Variants in TCP1 observed in about 807,000 individuals in gnomAD.
TCP1 encodes the protein t-complex 1.
TCP1 carries 6 observed loss-of-function variants against 54.7 expected under a neutral mutation model. The ratio of observed to expected loss-of-function variants is 0.11; its 90% CI spans 0.06 to 0.22. The LOEUF (loss-of-function observed/expected upper bound fraction) is 0.22, where lower values mean the gene tolerates loss of function less well. Among genes scored for constraint, TCP1 ranks in the 10% least tolerant of loss-of-function variants. The pLI is 1.00. For synonymous variants in TCP1, 225 were observed against 229.7 expected, an observed-to-expected ratio of 0.98 and a Z score of 0.19; for missense variants, 511 against 678.2, an observed-to-expected ratio of 0.75 and a Z score of 2.74.
chr6:159,789,330 G>A (rs1437595313), intron 1 of TCP1, 75 bp downstream of exon 1: 7 of 1,566,544 alleles, frequency 4.5e-6, no homozygotes, highest in Middle Eastern at 1.7e-4. Context: ...AGAAACGAGG[G>A]CAGCCGGGGT....
At position 159,778,815 on chromosome 6, in the gene TCP1, G is replaced by A. The variant is rs774043935; in HGVS notation, c.*230C>T. On this transcript the variant is annotated 3_prime_UTR_variant, in exon 12 of 12. Coordinates refer to ENST00000321394, the MANE Select transcript of TCP1 (RefSeq NM_030752.3). ...GGGTGGGATGGGAATAGCAATGTGT[G>A]TTCAGAGAGAATGAATTGCTTAAAC... 3 of 1,614,034 alleles carry A rather than the reference G, an allele frequency of 1.9e-6. No individual in the cohort carries two copies. The highest frequency in any genetic ancestry group is 2.7e-5 in the African/African-American group (2 of 74,918).
rs1282250927 is a variant in TCP1, at chr6:159,778,625, GA to G, written c.*419del. 1 of 1,606,460 alleles carries G rather than the reference GA, an allele frequency of 6.2e-7. No individual in the cohort carries two copies. The highest frequency in any genetic ancestry group is 1.3e-5 in the African/African-American group (1 of 74,870). Reference sequence around the variant, plus strand: ...AAGATTTTAAACTGTGTCCACAGAAGAATAAACAATCTAAATCTTTTCTCCC... The same window carrying G: ...AAGATTTTAAACTGTGTCCACAGAAGATAAACAATCTAAATCTTTTCTCCC... On this transcript the variant is annotated 3_prime_UTR_variant, in exon 12 of 12. Transcript: ENST00000321394.
At position 159,784,901 on chromosome 6, in the gene TCP1, C is replaced by T. The variant is rs540063396; in HGVS notation, c.489-54G>A. The T allele has an allele frequency of 4.0e-5, 62 of 1,568,272 alleles. No homozygotes were observed. The East Asian group carries it at 6.7e-4, about 17-fold the overall frequency. On this transcript the variant is annotated intron_variant, in intron 5 of 11. Coordinates refer to ENST00000321394, the MANE Select transcript of TCP1 (RefSeq NM_030752.3). ...GTTTGGAATGGACAAAGGGTACACA[C>T]GTGAAAAATCAAGGGTAATTTCAAG...
chr6:159,783,588 T>G (rs1780625914), intron 7 of TCP1, among the ~76,000 whole-genome samples: 1 of 152,030 alleles, frequency 6.6e-6, no homozygotes, highest in Non-Finnish European at 1.5e-5. Context: ...GTCAAATCTA[T>G]AGCAATGGTC....
chr6:159,781,219 T>C, intron 7 of TCP1, 109 bp from the exon 8 acceptor site: 1 of 991,072 alleles, frequency 1.0e-6, no homozygotes, highest in Non-Finnish European at 1.4e-6. Context: ...GTATTATCCT[T>C]TGTTATCTCT....
rs754486664 is a variant in TCP1 at position 159,780,077 on chromosome 6, G to A, written c.1108C>T (p.Arg370Cys). 6.2e-7 allele frequency: 1 copy of A among 1,614,034 alleles called. No individual in the cohort carries two copies. The part of the protein sequence containing the change: ...ELILIKNTKA[R>C]TSASIILRGA... ...CGTAAGATAATCGATGCAGACGTAC[G>A]AGCCTTAGTACTGTTCAAAACAAAA... Residue 370 changes from arginine (R) to cysteine (C), a missense_variant, in exon 10 of 12, where the codon CGT becomes TGT. Around this residue, in one of 5 missense-constraint regions of TCP1, gnomAD observed 305 missense variants for 352.8 expected, o/e 0.86. Coordinates refer to ENST00000321394, the MANE Select transcript of TCP1 (RefSeq NM_030752.3).
chr6:159,783,852 T>C (rs1562483719), intron 7 of TCP1, 89 bp downstream of exon 7: 3 of 1,472,360 alleles, frequency 2.0e-6, no homozygotes, highest in East Asian at 2.4e-5. Context: ...CTAATTTTTC[T>C]GGAAGTAAAA....
intron 3 of TCP1, among the ~76,000 whole-genome samples, chr6:159,787,283 G>T (rs563784881): frequency 6.6e-6 from 1 of 152,050 alleles, no homozygotes; most frequent in Non-Finnish European, 1.5e-5. Context: ...TTCTCCCCCA[G>T]ATTGGTAACA....
rs201232094 is a variant in TCP1 at position 159,784,075 on chromosome 6, T to G, written c.671-8A>C. On this transcript the variant is annotated splice_region_variant and splice_polypyrimidine_tract_variant and intron_variant, in intron 6 of 11. Transcript: ENST00000321394. ...CGATTCTCTTGGGCATGCCTACAAT[T>G]GAACATAAGATTAAGTTAATACGTC... The G allele has an allele frequency of 1.9e-6, 3 of 1,611,718 alleles. No individual in the cohort carries two copies. In the East Asian group the frequency reaches 6.7e-5, roughly 36 times the overall value.
intron 6 of TCP1, 116 bp from the exon 7 acceptor site, chr6:159,784,183 T>G: frequency 2.3e-6 from 3 of 1,302,630 alleles, no homozygotes; most frequent in Non-Finnish European, 2.0e-6. Context: ...GCATTTTATC[T>G]TAGAAAAATT....
intron 1 of TCP1, 63 bp downstream of exon 1, chr6:159,789,342 C>G: frequency 1.3e-6 from 2 of 1,592,608 alleles, no homozygotes; most frequent in Non-Finnish European, 1.7e-6. Flanking sequence ...AGCCGGGGTC[C>G]GGTCGCGGTG....
chr6:159,786,103 GATGAA>G (rs1374145727), intron 3 of TCP1, 106 bp from the exon 4 acceptor site: 8 of 849,728 alleles, frequency 9.4e-6, no homozygotes, highest in African/African-American at 1.7e-5. Context: ...AAATGGTAGT[GATGAA>G]ATGAATTAAC....
At chr6:159,784,593 C>G (rs1417171573) in intron 6 of TCP1, 73 bp downstream of exon 6, 1 of 1,512,958 alleles carries the variant, frequency 6.6e-7, no homozygotes, top group Non-Finnish European at 9.0e-7. Context: ...CATGAGCCAC[C>G]GCGCCCAGCC....
chr6:159,788,203 A>C, intron 1 of TCP1, 60 bp from the exon 2 acceptor site: 4 of 1,495,036 alleles, frequency 2.7e-6, no homozygotes, highest in Non-Finnish European at 3.7e-6. Context: ...TCTGAAAGAC[A>C]GTAATTTCAG....
chr6:159,785,618 T>G (rs993281435), intron 4 of TCP1, 122 bp from the exon 5 acceptor site: 9 of 868,106 alleles, frequency 1.0e-5, no homozygotes, highest in South Asian at 5.3e-5. Context: ...CCATTTCATA[T>G]AGGAGGAGGA....
At position 159,781,198 on chromosome 6, in the gene TCP1, T is replaced by C. The variant is rs77367542; in HGVS notation, c.798-88A>G. The C allele has an allele frequency of 2.7e-3, 3,065 of 1,149,052 alleles. 59 individuals carry two copies. In the African/African-American group the frequency reaches 0.04, roughly 15 times the overall value. The allele number at this position is 1,149,052 out of a possible 1,614,324, so 71.2% of individuals were successfully genotyped here. ...TTAAGTATTTATCACAAGATAATCA[T>C]AGATCAAATTGTATTATCCTTTGTT... is the stretch of plus-strand genomic sequence containing the variant. On this transcript the variant is annotated intron_variant, in intron 7 of 11. Coordinates refer to ENST00000321394, the MANE Select transcript of TCP1 (RefSeq NM_030752.3).
rs1438819684 is a variant in TCP1, at chr6:159,789,306, C to A, written c.64+99G>T. On this transcript the variant is annotated intron_variant, in intron 1 of 11. Transcript: ENST00000321394. ...CTGCGGGGCCCCGAGGCCCTTTCTG[C>A]GGAGGTAAAGGAGAGAAACGAGGGC... 4.3e-6 allele frequency: 6 copies of A among 1,401,790 alleles called. No homozygotes were observed. In the African/African-American group the frequency reaches 5.7e-5, roughly 13 times the overall value. The allele number at this position is 1,401,790 out of a possible 1,614,324, so 86.8% of individuals were successfully genotyped here.
At chr6:159,783,364 A>G (rs375747554) in intron 7 of TCP1, among the ~76,000 whole-genome samples, 1 of 77,250 alleles carries the variant, frequency 1.3e-5, no homozygotes, top group South Asian at 4.0e-4. Flanking sequence ...TGTAGGTCTA[A>G]CTACTGTTTA....
rs1408651746 is a variant in TCP1 at position 159,784,215 on chromosome 6, ATTTCT to A, written c.671-153_671-149del. The stretch of plus-strand genomic sequence containing the variant: ...AATTTTATGGCATTAAATGCACGTA[ATTTCT>A]TTTAATTCACATTCCTTCTACCATG... On this transcript the variant is annotated intron_variant, in intron 6 of 11. Coordinates refer to ENST00000321394, the MANE Select transcript of TCP1 (RefSeq NM_030752.3). 3.1e-5 allele frequency: 30 copies of A among 956,934 alleles called. No individual in the cohort carries two copies. In the African/African-American group the frequency reaches 4.0e-4, roughly 13 times the overall value. The allele number at this position is 956,934 out of a possible 1,614,324, so 59.3% of individuals were successfully genotyped here.
Sources: gnomAD v4.1 joint callset for allele counts (sites outside exome capture counted in the v4.1 genomes callset) on GRCh38, gnomAD v4.1.1 for gene constraint, gnomAD v4.1.1 regional missense constraint, MANE v1.5 for transcripts, NCBI Gene and HGNC (gene_info 2026-07-23, HGNC 2026-07-21) for gene names.